SLC9C2: variants seen among roughly 807,000 people sequenced by gnomAD.
SLC9C2 encodes the protein sodium/hydrogen exchanger 11.
SLC9C2 carries 75 observed loss-of-function variants against 140.2 expected under a neutral mutation model. The observed-to-expected ratio is 0.53, with a 90% CI of 0.44 to 0.65. The LOEUF is 0.65. SLC9C2 is among the 30% of genes least tolerant of loss of function. The pLI is 0.00. For synonymous variants in SLC9C2, 375 were observed against 420.9 expected, an observed-to-expected ratio of 0.89 and a Z score of 1.34; for missense variants, 1,074 against 1,331.8, an observed-to-expected ratio of 0.81 and a Z score of 3.01.
At chr1:173,564,286 T>G (rs138065371) in intron 9 of SLC9C2, among the ~76,000 whole-genome samples, 1 of 152,230 alleles carries the variant, frequency 6.6e-6, no homozygotes, top group Non-Finnish European at 1.5e-5. Context: ...AAAATATTCT[T>G]TGTAGTGGTT....
At chr1:173,559,242 C>A (rs533071259) in intron 9 of SLC9C2, among the ~76,000 whole-genome samples, 1 of 152,278 alleles carries the variant, frequency 6.6e-6, no homozygotes, top group African/African-American at 2.4e-5. Flanking sequence ...ATTCAAAGTT[C>A]CCTATAAAGA....
At chr1:173,527,778 T>C (rs896335947) in intron 18 of SLC9C2, among the ~76,000 whole-genome samples, 2 of 152,236 alleles carry the variant, frequency 1.3e-5, no homozygotes, top group Non-Finnish European at 2.9e-5. Flanking sequence ...AACACCTGGT[T>C]TGTTATCTAA....
chr1:173,511,387 C>A (rs561974704), intron 23 of SLC9C2, among the ~76,000 whole-genome samples: 1 of 151,892 alleles, frequency 6.6e-6, no homozygotes, highest in African/African-American at 2.4e-5. Context: ...TATTTCATTG[C>A]GGTTTTGATT....
At chr1:173,575,642 A>C (rs1665127864) in intron 8 of SLC9C2, among the ~76,000 whole-genome samples, 1 of 152,038 alleles carries the variant, frequency 6.6e-6, no homozygotes, top group African/African-American at 2.4e-5. Context: ...AGTGGTGCGA[A>C]CTCGGCTCAC....
At chr1:173,554,874 AT>A in intron 10 of SLC9C2, 60 bp from the exon 11 acceptor site, 1 of 998,098 alleles carries the variant, frequency 1.0e-6, no homozygotes, top group South Asian at 1.4e-5. Flanking sequence ...TCCAAAAGCA[AT>A]CATTGTTCAA....
At chr1:173,574,214 G>A (rs976306089) in intron 8 of SLC9C2, among the ~76,000 whole-genome samples, 1 of 152,202 alleles carries the variant, frequency 6.6e-6, no homozygotes, top group African/African-American at 2.4e-5. Context: ...AGCTGACTGG[G>A]TAAGTGCATC....
chr1:173,534,490 T>C lies in SLC9C2; in HGVS notation c.1968A>G (p.Thr656=). Residue 656 remains threonine (T), a synonymous_variant, in exon 16 of 28, where the codon ACA becomes ACG. Coordinates refer to ENST00000367714, the MANE Select transcript of SLC9C2 (RefSeq NM_178527.4). ...YFMFLYVLES[T]LKIIILKRKY... is the part of the protein sequence containing the mutation. ...TTTCTATTTTAAACAGTACCTTCAA[T>C]GTTGATTCTAATACATATAAAAACA... The C allele has an allele frequency of 1.3e-6, 2 of 1,569,946 alleles. No individual in the cohort carries two copies. Among genetic ancestry groups the C allele is most frequent in the South Asian group, 1.2e-5 (1 of 82,220 alleles).
In SLC9C2 at chr1:173,583,534, G is replaced by A. The variant is rs773129666; in HGVS notation, c.612C>T (p.Gly204=). Residue 204 remains glycine (G), a synonymous_variant, in exon 6 of 28, where the codon GGC becomes GGT. Transcript: ENST00000367714. ...IASIFFGNFR[G]NRIHFSIFRD... is the part of the protein sequence containing the mutation. ...TAAAAATAGAAAAGTGGATTCTGTT[G>A]CCCCGAAAATTTCCAAAAAAAATTG... 1.2e-6 allele frequency: 2 copies of A among 1,608,706 alleles called. No homozygotes were observed. The highest frequency in any genetic ancestry group is 3.4e-5 in the Admixed American group (2 of 59,684).
chr1:173,527,850 A>T (rs1043171218), intron 18 of SLC9C2, among the ~76,000 whole-genome samples: 1 of 152,196 alleles, frequency 6.6e-6, no homozygotes, highest in Non-Finnish European at 1.5e-5. Flanking sequence ...GTTTAGAAAA[A>T]AATCGCATGT....
intron 9 of SLC9C2, among the ~76,000 whole-genome samples, chr1:173,570,664 C>T (rs1664782539): frequency 6.6e-6 from 1 of 152,176 alleles, no homozygotes; most frequent in Non-Finnish European, 1.5e-5. Flanking sequence ...TCCAAGTTCA[C>T]TTAGTATCCC....
chr1:173,513,794 C>T (rs1362346120), intron 23 of SLC9C2, among the ~76,000 whole-genome samples: 1 of 147,768 alleles, frequency 6.8e-6, no homozygotes, highest in African/African-American at 2.6e-5. Context: ...GCATTTAGTG[C>T]TATAAATTTA....
At chr1:173,542,174 G>T (rs1339740055) in intron 13 of SLC9C2, among the ~76,000 whole-genome samples, 1 of 152,108 alleles carries the variant, frequency 6.6e-6, no homozygotes, top group Non-Finnish European at 1.5e-5. Context: ...TGATAAAGGG[G>T]ATACCAGCAC....
At chr1:173,514,693 T>A (rs1367566502) in intron 23 of SLC9C2, among the ~76,000 whole-genome samples, 3 of 152,180 alleles carry the variant, frequency 2.0e-5, no homozygotes, top group Non-Finnish European at 4.4e-5. Flanking sequence ...CATGATGCTA[T>A]CTGGTTATTT....
intron 19 of SLC9C2, 69 bp downstream of exon 19, chr1:173,526,594 G>GTTC: frequency 7.6e-7 from 1 of 1,310,896 alleles, no homozygotes; most frequent in Non-Finnish European, 1.1e-6. Context: ...AGCATGAATT[G>GTTC]TTCTTCTTTT....
chr1:173,602,444 A>G (rs1453459462), intron 1 of SLC9C2, among the ~76,000 whole-genome samples: 2 of 152,216 alleles, frequency 1.3e-5, no homozygotes, highest in Non-Finnish European at 2.9e-5. Flanking sequence ...ATAAGGGTGA[A>G]TAACCTGAAA....
chr1:173,587,503 C>G (rs546932286), intron 5 of SLC9C2, among the ~76,000 whole-genome samples, 162 bp downstream of exon 5: 1 of 152,162 alleles, frequency 6.6e-6, no homozygotes, highest in African/African-American at 2.4e-5. Context: ...CTTATTTGCA[C>G]TGTCTCCTTA....
At chr1:173,552,882 C>T (rs1663412710) in intron 11 of SLC9C2, among the ~76,000 whole-genome samples, 1 of 152,124 alleles carries the variant, frequency 6.6e-6, no homozygotes. Flanking sequence ...TTTTGTAAGG[C>T]TATAGCTGTC....
intron 16 of SLC9C2, 75 bp from the exon 17 acceptor site, chr1:173,533,872 A>T (rs925963594): frequency 1.4e-6 from 2 of 1,426,400 alleles, no homozygotes; most frequent in Non-Finnish European, 1.9e-6. Flanking sequence ...AAAATTAACA[A>T]CTAAGTTCTT....
At chr1:173,593,386 G>C (rs1666278349) in intron 4 of SLC9C2, among the ~76,000 whole-genome samples, 1 of 152,066 alleles carries the variant, frequency 6.6e-6, no homozygotes, top group African/African-American at 2.4e-5. Context: ...CAGGTGTGGT[G>C]GTGTGCTCCT....
Sources: gnomAD v4.1 joint callset for allele counts (sites outside exome capture counted in the v4.1 genomes callset) on GRCh38, gnomAD v4.1.1 for gene constraint, MANE v1.5 for transcripts, NCBI Gene and HGNC (gene_info 2026-07-23, HGNC 2026-07-21) for gene names.